Variants in ZNF248 observed in about 807,000 individuals in gnomAD.
ZNF248 encodes the protein KRAB protein domain.
Under a neutral mutation model 44.3 loss-of-function variants are expected in ZNF248, and 20 were observed. That is an observed-to-expected ratio of 0.45 (90% CI 0.32 to 0.66). The LOEUF is 0.66. ZNF248 is among the 30% of genes least tolerant of loss of function. The pLI, the probability that ZNF248 is intolerant of heterozygous loss-of-function variation, is 0.04. For missense variants in ZNF248, 654 were observed against 677.0 expected (o/e 0.97, Z 0.38); for synonymous variants, 224 against 229.0 (o/e 0.98, Z 0.20).
intron 3 of ZNF248, among the ~76,000 whole-genome samples, chr10:37,845,788 CAATG>C (rs1159984397): frequency 6.6e-6 from 1 of 152,086 alleles, no homozygotes; most frequent in African/African-American, 2.4e-5. Context: ...TTAGGTAGTA[CAATG>C]AATAGTTTGT....
chr10:37,842,973 G>C lies in ZNF248; in HGVS notation c.16-4862C>G, dbSNP rs1485761802. Among the ~76,000 whole-genome samples, 3 of 152,280 alleles carry C rather than the reference G, an allele frequency of 2.0e-5. No homozygotes were observed. In the East Asian group the frequency reaches 5.8e-4, roughly 29 times the overall value. On this transcript the variant is annotated intron_variant, in intron 3 of 5. Transcript: ENST00000395867. ...GAAGGCTAAAGCAAGGTTGTAAACAGCCTGGCTAAATGTTAAAGAGTACCC... is the reference window on the plus strand; with the variant it reads ...GAAGGCTAAAGCAAGGTTGTAAACACCCTGGCTAAATGTTAAAGAGTACCC...
chr10:37,832,405 C>G lies in ZNF248; in HGVS notation c.950G>C (p.Gly317Ala). Reference protein sequence around the residue: ...CDNSAFIIHQGAYTRKILREY... With the variant: ...CDNSAFIIHQAAYTRKILREY... ...ACGGAGAATCTTTCTTGTGTAAGCT[C>G]CCTGATGGATAATGAAAGCTGAATT... Residue 317 changes from glycine (G) to alanine (A), a missense_variant, in exon 6 of 6, where the codon GGA (glycine) becomes GCA (alanine). Coordinates refer to ENST00000395867, the MANE Select transcript of ZNF248 (RefSeq NM_021045.3). 2 of 1,613,944 alleles carry G rather than the reference C, an allele frequency of 1.2e-6. No individual in the cohort carries two copies.
chr10:37,768,154 T>C, the ZNF248 span, among the ~76,000 whole-genome samples: 1 of 152,124 alleles, frequency 6.6e-6, no homozygotes, highest in Non-Finnish European at 1.5e-5. Context: ...CAAAGAAACT[T>C]AGACTCCCAC....
intron 6 of ZNF248, among the ~76,000 whole-genome samples, chr10:37,810,393 T>C (rs891585765): frequency 6.6e-6 from 1 of 152,228 alleles, no homozygotes; most frequent in Admixed American, 6.5e-5. Flanking sequence ...TATATCTTCT[T>C]GCTGTATTGA....
intron 6 of ZNF248, chr10:37,783,811 C>A (rs920836359): frequency 2.0e-5 from 3 of 152,192 alleles, no homozygotes; most frequent in African/African-American, 7.2e-5. Context: ...TAATATTCCT[C>A]CCAAAGAGAC....
In ZNF248 at chr10:37,807,774, T is replaced by C. The variant is rs188577527; in HGVS notation, c.330+25251A>G. On this transcript the variant is annotated intron_variant, in intron 6 of 6. Coordinates refer to the ZNF248 transcript ENST00000615949. ...ATTCTGCTCCTTTGCTGAGTCCATT[T>C]ATTCTAACCATTTTTAGTGGATGGA... Among the ~76,000 whole-genome samples the C allele has an allele frequency of 4.1e-4, 62 of 152,354 alleles. No individual in the cohort carries two copies. In the East Asian group the frequency reaches 0.011, roughly 28 times the overall value.
chr10:37,762,525 C>A, the ZNF248 span, among the ~76,000 whole-genome samples: 1 of 152,116 alleles, frequency 6.6e-6, no homozygotes, highest in East Asian at 1.9e-4. Flanking sequence ...CCAAATCTGG[C>A]TGAGAATCTG....
At chr10:37,821,270 T>G (rs1392929470) in intron 6 of ZNF248, among the ~76,000 whole-genome samples, 1 of 149,492 alleles carries the variant, frequency 6.7e-6, no homozygotes, top group Non-Finnish European at 1.5e-5. Flanking sequence ...TGGTTCTTAT[T>G]TAACTCTCAG....
intron 6 of ZNF248, among the ~76,000 whole-genome samples, chr10:37,817,644 A>G (rs1256467189): frequency 6.6e-6 from 1 of 152,156 alleles, no homozygotes; most frequent in African/African-American, 2.4e-5. Flanking sequence ...TATGGGTTTC[A>G]CTTTACAACC....
intron 3 of ZNF248, among the ~76,000 whole-genome samples, chr10:37,841,456 A>G (rs1241756025): frequency 3.3e-5 from 5 of 152,214 alleles, no homozygotes; most frequent in Non-Finnish European, 4.4e-5. Flanking sequence ...ACCAAAAAAA[A>G]AAAAAAAGGT....
rs963662887 is a variant in ZNF248, at chr10:37,842,837, T to C, written c.16-4726A>G. 4.6e-5 allele frequency among the ~76,000 whole-genome samples: 7 copies of C among 152,120 alleles called. No homozygotes were observed. The South Asian group carries it at 8.3e-4, about 18-fold the overall frequency. ...GGCTTTCAAAAAACCCCATATATAC[T>C]GAGAAAATTAGAAATCCAGAAACAT... On this transcript the variant is annotated intron_variant, in intron 3 of 5. Coordinates refer to ENST00000395867, the MANE Select transcript of ZNF248 (RefSeq NM_021045.3).
At chr10:37,820,073 A>T in intron 6 of ZNF248, 1 of 837,686 alleles carries the variant, frequency 1.2e-6, no homozygotes, top group Non-Finnish European at 2.1e-6. Flanking sequence ...TCATCCTTGT[A>T]TCTCTGTAGC....
chr10:37,761,500 T>C, the ZNF248 span, among the ~76,000 whole-genome samples: 1 of 152,240 alleles, frequency 6.6e-6, no homozygotes, highest in South Asian at 2.1e-4. Flanking sequence ...CAATTAAACT[T>C]AGTAAACATA....
downstream of ZNF248, among the ~76,000 whole-genome samples, chr10:37,773,860 T>C (rs1164346371): frequency 6.6e-6 from 1 of 152,156 alleles, no homozygotes; most frequent in Admixed American, 6.6e-5. Flanking sequence ...GGTTAGGGCT[T>C]CAGAAAAGGA....
the ZNF248 span, among the ~76,000 whole-genome samples, chr10:37,758,698 G>T: frequency 7.9e-5 from 12 of 152,062 alleles, no homozygotes; most frequent in African/African-American, 2.9e-4. Flanking sequence ...CCTCATGCAA[G>T]AAAAATATTT....
chr10:37,770,115 A>C, the ZNF248 span, among the ~76,000 whole-genome samples: 2 of 152,224 alleles, frequency 1.3e-5, no homozygotes, highest in Non-Finnish European at 2.9e-5. Flanking sequence ...TGCTCAATGA[A>C]ATAAAAGAGG....
the ZNF248 span, among the ~76,000 whole-genome samples, chr10:37,771,419 A>G: frequency 2.6e-5 from 4 of 152,204 alleles, no homozygotes; most frequent in Non-Finnish European, 5.9e-5. Context: ...TGGCACATAT[A>G]CACCATGGAA....
chr10:37,774,708 T>C (rs1486029613), downstream of ZNF248, among the ~76,000 whole-genome samples: 1 of 152,194 alleles, frequency 6.6e-6, no homozygotes, highest in Non-Finnish European at 1.5e-5. Flanking sequence ...ATCACTTTCA[T>C]GAAGAGAGTT....
At chr10:37,828,637 G>A (rs1259354660), downstream of ZNF248, 24 of 969,536 alleles carry the variant, frequency 2.5e-5, no homozygotes, top group Non-Finnish European at 2.8e-5. Flanking sequence ...ACAATGACAT[G>A]TTCTATTACT....
Sources: gnomAD v4.1 joint callset for allele counts (sites outside exome capture counted in the v4.1 genomes callset) on GRCh38, gnomAD v4.1.1 for gene constraint, MANE v1.5 for transcripts, NCBI Gene and HGNC (gene_info 2026-07-23, HGNC 2026-07-21) for gene names.